Variants in SCUBE1 observed in about 807,000 individuals in gnomAD.
SCUBE1 encodes signal peptide, CUB domain and EGF like domain containing 1.
In SCUBE1, 59 loss-of-function variants were observed where a neutral mutation model predicts 124.4. That is an observed-to-expected ratio of 0.47 (90% CI 0.38 to 0.59). The LOEUF (loss-of-function observed/expected upper bound fraction) is 0.59. Among genes scored for constraint, SCUBE1 ranks in the 20% least tolerant of loss-of-function variants. The pLI is 0.00. For synonymous variants in SCUBE1, 545 were observed against 550.9 expected (o/e 0.99, Z 0.15); for missense variants, 1,150 against 1,371.2 (o/e 0.84, Z 2.55).
intron 1 of SCUBE1, among the ~76,000 whole-genome samples, chr22:43,342,184 T>TGACGAGGA (rs1234606336): frequency 1.5e-5 from 2 of 133,884 alleles, no homozygotes; most frequent in East Asian, 4.6e-4. Context: ...GCGCCTCTGA[T>TGACGAGGA]GACGAGGAGG....
intron 4 of SCUBE1, among the ~76,000 whole-genome samples, chr22:43,268,979 T>A (rs1026113131): frequency 1.3e-5 from 2 of 152,218 alleles, no homozygotes; most frequent in East Asian, 3.9e-4. Context: ...GAGGGCTGGA[T>A]TGGACACATT....
chr22:43,222,021 G>A (rs555678716), intron 12 of SCUBE1, among the ~76,000 whole-genome samples: 3 of 152,154 alleles, frequency 2.0e-5, no homozygotes, highest in South Asian at 2.1e-4. Flanking sequence ...CCGAGATCAC[G>A]CCACTGCACT....
At chr22:43,260,284 G>A (rs148121268) in intron 5 of SCUBE1, among the ~76,000 whole-genome samples, 12 of 152,316 alleles carry the variant, frequency 7.9e-5, no homozygotes, top group East Asian at 3.9e-4. Flanking sequence ...TCATTTGTGC[G>A]TCTCACAGAC....
At chr22:43,235,530 C>T (rs1056177417) in intron 7 of SCUBE1, among the ~76,000 whole-genome samples, 5 of 151,994 alleles carry the variant, frequency 3.3e-5, no homozygotes, top group Admixed American at 6.5e-5. Flanking sequence ...GCCTGCCTGG[C>T]CCAGAGCACT....
At chr22:43,235,415 A>G (rs1165518688) in intron 7 of SCUBE1, among the ~76,000 whole-genome samples, 1 of 152,134 alleles carries the variant, frequency 6.6e-6, no homozygotes, top group Non-Finnish European at 1.5e-5. Context: ...GGCTGGCACC[A>G]TCCTGGAGTG....
intron 9 of SCUBE1, among the ~76,000 whole-genome samples, chr22:43,228,500 C>T (rs773735157): frequency 6.6e-6 from 1 of 152,180 alleles, no homozygotes. Flanking sequence ...GGGAATAAAC[C>T]CTCAACTCCC....
At chr22:43,262,641 A>G (rs1923913805) in intron 5 of SCUBE1, 79 bp downstream of exon 5, 1 of 1,570,674 alleles carries the variant, frequency 6.4e-7, no homozygotes, top group Admixed American at 1.7e-5. Context: ...GCCAAAGTCC[A>G]GCAGACTGGA....
chr22:43,294,961 G>A (rs1318786653), intron 3 of SCUBE1, among the ~76,000 whole-genome samples: 5 of 152,154 alleles, frequency 3.3e-5, no homozygotes, highest in Admixed American at 6.5e-5. Context: ...GCTCCACACC[G>A]GGGGCATTAT....
At chr22:43,342,487 C>A (rs867010192) in intron 1 of SCUBE1, among the ~76,000 whole-genome samples, 3 of 151,906 alleles carry the variant, frequency 2.0e-5, no homozygotes, top group Non-Finnish European at 4.4e-5. Flanking sequence ...TCTCTCTTTC[C>A]CGGTCTCCCT....
At chr22:43,209,934 C>T in intron 19 of SCUBE1, 109 bp downstream of exon 19, 2 of 1,206,342 alleles carry the variant, frequency 1.7e-6, no homozygotes, top group Admixed American at 2.3e-5. Context: ...AGCCCCAGGG[C>T]CCTCCTCTCT....
chr22:43,291,526 G>A (rs1189470025), intron 3 of SCUBE1, among the ~76,000 whole-genome samples: 2 of 152,102 alleles, frequency 1.3e-5, no homozygotes, highest in Non-Finnish European at 2.9e-5. Context: ...CAGTGGTACA[G>A]TGGGCCCCCA....
In SCUBE1 at chr22:43,231,820, G is replaced by T; in HGVS notation, c.900C>A (p.Thr300=). 6.2e-7 allele frequency: 1 copy of T among 1,613,420 alleles called. No individual in the cohort carries two copies. Among genetic ancestry groups the T allele is most frequent in the South Asian group, 1.1e-5 (1 of 91,060 alleles). ...GGCAGCCGCACTCGAAGCTGCCCAC[G>T]GTGTTGCGGCAGAAGTGGTCGCAGC... ...NGGCDHFCRN[T]VGSFECGCRK... is the part of the protein sequence containing the mutation. Residue 300 remains threonine (T), a synonymous_variant, in exon 8 of 22, where the codon ACC becomes ACA. Transcript: ENST00000360835.
intron 15 of SCUBE1, among the ~76,000 whole-genome samples, chr22:43,216,192 G>A (rs1271226187): frequency 1.3e-5 from 2 of 151,814 alleles, no homozygotes; most frequent in East Asian, 2.0e-4. Flanking sequence ...GATTGCAGGC[G>A]CTCGCCACCA....
intron 4 of SCUBE1, among the ~76,000 whole-genome samples, chr22:43,286,579 A>T (rs1344216182): frequency 1.3e-5 from 2 of 152,286 alleles, no homozygotes; most frequent in African/African-American, 4.8e-5. Context: ...GGAGGAGGAG[A>T]CCATGTCACG....
In SCUBE1 at chr22:43,203,018, G is replaced by C. The variant is rs1378989273; in HGVS notation, c.*979C>G. On this transcript the variant is annotated 3_prime_UTR_variant, in exon 22 of 22. Transcript: ENST00000360835. Reference sequence around the variant, plus strand: ...TGGGCCCCTGCACCTCCTGGGAACGGGTCCGAGGGGAAGTGTCTTCCACTG... The same window carrying C: ...TGGGCCCCTGCACCTCCTGGGAACGCGTCCGAGGGGAAGTGTCTTCCACTG... 6.6e-6 allele frequency: 1 copy of C among 152,368 alleles called. No individual in the cohort carries two copies. Among genetic ancestry groups the C allele is most frequent in the Non-Finnish European group, 1.5e-5 (1 of 68,158 alleles). 9.4% of individuals were successfully genotyped at this position (152,368 alleles called of 1,614,324 possible).
At position 43,234,497 on chromosome 22, in the gene SCUBE1, C is replaced by A. The variant is rs1601817039; in HGVS notation, c.845-2622G>T. 6.6e-6 allele frequency among the ~76,000 whole-genome samples: 1 copy of A among 152,206 alleles called. No individual in the cohort carries two copies. The highest frequency in any genetic ancestry group is 2.4e-5 in the African/African-American group (1 of 41,448). On this transcript the variant is annotated intron_variant, in intron 7 of 21. Transcript: ENST00000360835. This position sits in a 1 kb window ranked among gnomAD's most constrained non-coding sequence, Gnocchi z 4.4. ...CCATCTGGGCCTGTCTGCTAAGGGG[C>A]TGTCATAGCAACCAGACAGGCAGAG...
At position 43,214,355 on chromosome 22, in the gene SCUBE1, C is replaced by T. The variant is rs571308327; in HGVS notation, c.1892-104G>A. 12 of 1,216,594 alleles carry T rather than the reference C, an allele frequency of 9.9e-6. No individual in the cohort carries two copies. The South Asian group carries it at 1.1e-4, about 11-fold the overall frequency. The allele number at this position is 1,216,594 out of a possible 1,614,324, so 75.4% of individuals were successfully genotyped here. On this transcript the variant is annotated intron_variant, in intron 15 of 21. Coordinates refer to ENST00000360835, the MANE Select transcript of SCUBE1 (RefSeq NM_173050.5). ...CTCTCCTGATAGACACAGTCCTTGT[C>T]CCCTGGGGCCCCAAGGACACAGAGG...
chr22:43,272,121 T>C (rs970446760), intron 4 of SCUBE1, among the ~76,000 whole-genome samples: 3 of 152,150 alleles, frequency 2.0e-5, no homozygotes, highest in African/African-American at 7.2e-5. Context: ...TCAAGGGAAC[T>C]CTGCTCCTCT....
chr22:43,263,994 G>A (rs376695479), intron 4 of SCUBE1, among the ~76,000 whole-genome samples: 1 of 152,208 alleles, frequency 6.6e-6, no homozygotes, highest in African/African-American at 2.4e-5. Flanking sequence ...AGATAGTGGC[G>A]TGCGGTCAAC....
Sources: gnomAD v4.1 joint callset for allele counts (sites outside exome capture counted in the v4.1 genomes callset) on GRCh38, gnomAD v4.1.1 for gene constraint, Gnocchi (gnomAD v3.1) non-coding constraint, MANE v1.5 for transcripts, NCBI Gene and HGNC (gene_info 2026-07-23, HGNC 2026-07-21) for gene names.